GDA: variants seen among roughly 807,000 people sequenced by gnomAD.
GDA encodes the protein cytoplasmic PSD-95 interactor.
GDA carries 18 observed loss-of-function variants against 59.6 expected under a neutral mutation model. That is an observed-to-expected ratio of 0.30 (90% CI 0.21 to 0.45). GDA has a LOEUF of 0.45. Ranked by LOEUF, GDA falls within the 20% of genes least tolerant of loss-of-function variation. GDA has a pLI of 1.00. For missense variants in GDA, 427 were observed against 552.3 expected (o/e 0.77, Z 2.27); for synonymous variants, 201 against 201.1 (o/e 1.00, Z 0.00).
chr9:72,162,435 C>T (rs1169938302), intron 1 of GDA, among the ~76,000 whole-genome samples: 2 of 151,990 alleles, frequency 1.3e-5, no homozygotes. Context: ...CATGTTGGAG[C>T]TGAGTCTGAA....
downstream of GDA, among the ~76,000 whole-genome samples, chr9:72,254,468 A>G (rs1840843096): frequency 1.3e-5 from 2 of 151,984 alleles, no homozygotes; most frequent in African/African-American, 4.8e-5. Flanking sequence ...ACAAAAAAAC[A>G]AAACAGATCA....
intron 1 of GDA, among the ~76,000 whole-genome samples, chr9:72,133,305 A>ATAATAATAATAATAATAATAATAATAAT (rs1293322271): frequency 7.6e-6 from 1 of 131,510 alleles, no homozygotes; most frequent in Non-Finnish European, 1.6e-5. Flanking sequence ...AAAAAAAAAA[A>ATAATAATAATAATAATAATAATAATAAT]AAAAATAATA....
At chr9:72,166,308 A>G (rs1230358786) in intron 1 of GDA, among the ~76,000 whole-genome samples, 1 of 151,672 alleles carries the variant, frequency 6.6e-6, no homozygotes, top group Non-Finnish European at 1.5e-5. Flanking sequence ...AAAGGAAATG[A>G]TTTAACAGTT....
intron 1 of GDA, among the ~76,000 whole-genome samples, chr9:72,172,062 A>C (rs753524418): frequency 3.9e-5 from 6 of 152,172 alleles, no homozygotes; most frequent in Non-Finnish European, 7.3e-5. Context: ...CACCTAAAAA[A>C]TTTATGCACA....
intron 1 of GDA, among the ~76,000 whole-genome samples, chr9:72,153,627 A>G (rs1284088392): frequency 6.6e-6 from 1 of 151,472 alleles, no homozygotes; most frequent in Admixed American, 6.6e-5. Context: ...TGGCACATAT[A>G]CACCATGGAA....
Position 72,252,223 on chromosome 9 carries a change from TA to T in GDA, c.*3882del, listed in dbSNP as rs1840753210. 6.6e-6 allele frequency: 1 copy of T among 152,634 alleles called. No homozygotes were observed. The highest frequency in any genetic ancestry group is 6.6e-5 in the Admixed American group (1 of 15,264). The allele number at this position is 152,634 out of a possible 1,614,324, so 9.5% of individuals were successfully genotyped here. A position where few individuals can be genotyped will look rare whatever the true frequency, so the allele number is the denominator to read the frequency against. On this transcript the variant is annotated 3_prime_UTR_variant, in exon 14 of 14. Transcript: ENST00000358399. Reference sequence around the variant, plus strand: ...AATAAATGAGACTTTGTGTTTACGTTATTTTTTGTTGTGAGTTCTCTCTGTT... The same window carrying T: ...AATAAATGAGACTTTGTGTTTACGTTTTTTTTGTTGTGAGTTCTCTCTGTT...
At position 72,251,918 on chromosome 9, in the gene GDA, C is replaced by T. The variant is rs1358783220; in HGVS notation, c.*3576C>T. 8 of 152,114 alleles carry T rather than the reference C, an allele frequency of 5.3e-5. No homozygotes were observed. The highest frequency in any genetic ancestry group is 7.4e-5 in the Non-Finnish European group (5 of 68,014). 9.4% of individuals were successfully genotyped at this position (152,114 alleles called of 1,614,324 possible). A position where few individuals can be genotyped will look rare whatever the true frequency, so the allele number is the denominator to read the frequency against. The stretch of plus-strand genomic sequence containing the variant: ...CCAATGATGGAATTAAATGTAAATT[C>T]CAAGAGGGCTTTCACAGTCCACAGG... On this transcript the variant is annotated 3_prime_UTR_variant, in exon 14 of 14. Coordinates refer to ENST00000358399, the MANE Select transcript of GDA (RefSeq NM_004293.5).
chr9:72,225,370 G>A (rs1050828308), intron 7 of GDA, among the ~76,000 whole-genome samples: 3 of 152,144 alleles, frequency 2.0e-5, no homozygotes, highest in Non-Finnish European at 4.4e-5. Flanking sequence ...CCAGCTGGAG[G>A]TCAGAATTTG....
intron 11 of GDA, among the ~76,000 whole-genome samples, chr9:72,243,642 A>G (rs879904405): frequency 6.6e-6 from 1 of 152,190 alleles, no homozygotes; most frequent in African/African-American, 2.4e-5. Flanking sequence ...CTGTCTTGCT[A>G]AAGAGAGTAC....
chr9:72,247,155 G>A lies in GDA; in HGVS notation c.1267-251G>A, dbSNP rs556797319. On this transcript the variant is annotated intron_variant, in intron 12 of 13. Coordinates refer to ENST00000358399, the MANE Select transcript of GDA (RefSeq NM_004293.5). ...TTAATTTATATAATACCTTTTCTCT[G>A]ATGACTCAAAATTCACATACCCAGA... Among the ~76,000 whole-genome samples, 6 of 152,184 alleles carry A rather than the reference G, an allele frequency of 3.9e-5. No homozygotes were observed. The East Asian group carries it at 5.8e-4, about 15-fold the overall frequency.
chr9:72,154,510 T>A (rs1827658219), intron 1 of GDA, among the ~76,000 whole-genome samples: 1 of 152,156 alleles, frequency 6.6e-6, no homozygotes, highest in Non-Finnish European at 1.5e-5. Context: ...TGATGAACTG[T>A]ATGGGGTGGT....
chr9:72,164,479 T>C (rs1284275224), intron 1 of GDA, among the ~76,000 whole-genome samples: 1 of 152,092 alleles, frequency 6.6e-6, no homozygotes, highest in Non-Finnish European at 1.5e-5. Context: ...GGGTTAGGTT[T>C]TGGAATGATT....
chr9:72,150,681 C>T (rs1189156699), intron 1 of GDA, among the ~76,000 whole-genome samples: 1 of 152,160 alleles, frequency 6.6e-6, no homozygotes, highest in Admixed American at 6.5e-5. Context: ...GTTGAAGATA[C>T]TATTCTTGAC....
intron 1 of GDA, among the ~76,000 whole-genome samples, chr9:72,119,683 A>C (rs949433185): frequency 2.0e-5 from 3 of 152,120 alleles, no homozygotes; most frequent in African/African-American, 7.2e-5. Context: ...AAAGAGAATA[A>C]ATTTTCTTTT....
At chr9:72,130,535 C>T (rs1031437985) in intron 1 of GDA, among the ~76,000 whole-genome samples, 1 of 152,176 alleles carries the variant, frequency 6.6e-6, no homozygotes, top group African/African-American at 2.4e-5. Context: ...TATTCTTGTT[C>T]TCCTTAACAC....
At chr9:72,138,458 A>G (rs562794514) in intron 1 of GDA, among the ~76,000 whole-genome samples, 38 of 151,970 alleles carry the variant, frequency 2.5e-4, no homozygotes, top group Non-Finnish European at 5.0e-4. Flanking sequence ...GTATGCATCT[A>G]CTCTTCTTAT....
chr9:72,247,392 AT>A lies in GDA; in HGVS notation c.1267-10del. ...CAAATGAGTCTTTCTTATTACTTTTATTTTCCATTTTAGGCTGTTATCCAGA... is the reference window on the plus strand; with the variant it reads ...CAAATGAGTCTTTCTTATTACTTTTATTTCCATTTTAGGCTGTTATCCAGA... On this transcript the variant is annotated splice_polypyrimidine_tract_variant and intron_variant, in intron 12 of 13. Transcript: ENST00000358399. 1 of 1,446,270 alleles carries A rather than the reference AT, an allele frequency of 6.9e-7. No homozygotes were observed. Among genetic ancestry groups the A allele is most frequent in the Non-Finnish European group, 9.7e-7 (1 of 1,027,380 alleles). 89.6% of individuals were successfully genotyped at this position (1,446,270 alleles called of 1,614,324 possible). A position where few individuals can be genotyped will look rare whatever the true frequency, so the allele number is the denominator to read the frequency against.
chr9:72,236,776 A>ATT (rs201065067), intron 10 of GDA, among the ~76,000 whole-genome samples: 19 of 101,462 alleles, frequency 1.9e-4, no homozygotes, highest in African/African-American at 3.5e-4. Flanking sequence ...AACCACTCCT[A>ATT]TTTTTTTTTT....
chr9:72,141,428 T>C (rs1826436844), intron 1 of GDA, among the ~76,000 whole-genome samples: 1 of 152,200 alleles, frequency 6.6e-6, no homozygotes, highest in Non-Finnish European at 1.5e-5. Flanking sequence ...TTTTACCTAT[T>C]TAAATAATAT....
Sources: allele counts gnomAD v4.1 joint callset (sites outside exome capture counted in the v4.1 genomes callset), GRCh38; gene constraint gnomAD v4.1.1; transcripts MANE v1.5; gene names NCBI Gene and HGNC (gene_info 2026-07-23, HGNC 2026-07-21).